Variants in SYT9 observed in about 807,000 individuals in gnomAD.
The protein encoded by SYT9 is synaptotagmin-9.
Under a neutral mutation model 48.4 loss-of-function variants are expected in SYT9, and 22 were observed. The observed-to-expected ratio is 0.45, with a 90% CI of 0.32 to 0.65. SYT9 has a LOEUF of 0.65. SYT9 is among the 30% of genes least tolerant of loss of function. The pLI is 0.03. For missense variants in SYT9, 577 were observed against 622.0 expected (o/e 0.93, Z 0.77); for synonymous variants, 265 against 245.0 (o/e 1.08, Z -0.76).
chr11:7,251,197 A>G (rs1202314596), upstream of SYT9, among the ~76,000 whole-genome samples: 1 of 151,970 alleles, frequency 6.6e-6, no homozygotes, highest in Non-Finnish European at 1.5e-5. Context: ...TGGGTGGATG[A>G]GAGGTGCCCT....
chr11:7,289,448 A>G (rs1463590899), intron 1 of SYT9, among the ~76,000 whole-genome samples: 1 of 152,240 alleles, frequency 6.6e-6, no homozygotes. Context: ...ACTGAACTAT[A>G]CTTTAAAATG....
At chr11:7,338,665 A>AT (rs112761438) in intron 3 of SYT9, among the ~76,000 whole-genome samples, 4,288 of 152,024 alleles carry the variant, frequency 0.028, 192 homozygotes, top group African/African-American at 0.096. Flanking sequence ...GTTTTGGGTG[A>AT]TTTTTTGTCT....
At chr11:7,452,325 G>C (rs2134149767) in intron 6 of SYT9, among the ~76,000 whole-genome samples, 1 of 152,258 alleles carries the variant, frequency 6.6e-6, no homozygotes, top group East Asian at 1.9e-4. Flanking sequence ...TCTCACTCCT[G>C]ATTCTGTTCC....
At chr11:7,433,322 A>G (rs918417539) in intron 6 of SYT9, among the ~76,000 whole-genome samples, 4 of 152,216 alleles carry the variant, frequency 2.6e-5, no homozygotes, top group Non-Finnish European at 5.9e-5. Context: ...CTTTATACCA[A>G]TGCAAGAATG....
intron 3 of SYT9, among the ~76,000 whole-genome samples, chr11:7,315,404 G>A (rs192350916): frequency 6.6e-6 from 1 of 152,162 alleles, no homozygotes; most frequent in Non-Finnish European, 1.5e-5. Flanking sequence ...CCCCCACTGG[G>A]GTATTTACTA....
intron 6 of SYT9, among the ~76,000 whole-genome samples, chr11:7,431,506 G>C (rs1441990203): frequency 6.6e-6 from 1 of 152,252 alleles, no homozygotes; most frequent in Non-Finnish European, 1.5e-5. Context: ...CCACTTGCTA[G>C]AGATATTGGC....
At chr11:7,415,385 C>T (rs892575311) in intron 3 of SYT9, among the ~76,000 whole-genome samples, 3 of 152,078 alleles carry the variant, frequency 2.0e-5, no homozygotes, top group East Asian at 1.9e-4. Context: ...CTGCACAGAT[C>T]GTATGCAGCC....
chr11:7,411,215 C>T (rs2346833), intron 3 of SYT9, among the ~76,000 whole-genome samples: 34,018 of 152,062 alleles, frequency 0.22, 4,273 homozygotes, highest in East Asian at 0.48. Context: ...GTTTTCTGAT[C>T]GTTTTGTATG....
chr11:7,355,186 G>A (rs1041049166), intron 3 of SYT9, among the ~76,000 whole-genome samples: 6 of 152,124 alleles, frequency 3.9e-5, no homozygotes, highest in Non-Finnish European at 7.4e-5. Context: ...TCCTGCTATC[G>A]GACTCCTAGA....
At chr11:7,429,307 G>C (rs939593662) in intron 6 of SYT9, among the ~76,000 whole-genome samples, 3 of 152,162 alleles carry the variant, frequency 2.0e-5, no homozygotes, top group African/African-American at 7.2e-5. Flanking sequence ...AAAACATTTG[G>C]TGTGAATGTT....
intron 1 of SYT9, among the ~76,000 whole-genome samples, chr11:7,276,892 GA>G (rs557050903): frequency 3.8e-3 from 537 of 140,988 alleles, no homozygotes; most frequent in African/African-American, 7.6e-3. Context: ...CTAAAAATAC[GA>G]AAAAAAAAAA....
At position 7,328,078 on chromosome 11, in the gene SYT9, ATAATAAT is replaced by A. The variant is rs1251769580; in HGVS notation, c.1044+14138_1044+14144del. Among the ~76,000 whole-genome samples, 477 of 136,128 alleles carry A rather than the reference ATAATAAT, an allele frequency of 3.5e-3. 1 individual carries two copies. The highest frequency in any genetic ancestry group is 0.012 in the African/African-American group (456 of 37,686). 89.3% of individuals were successfully genotyped at this position (136,128 alleles called of 152,430 possible). ...CCTAAAACTTAAAGTATAATTAAAA[ATAATAAT>A]AATAATAATAATAATTTTAAAAAAA... On this transcript the variant is annotated intron_variant, in intron 3 of 6. Transcript: ENST00000318881.
At chr11:7,302,048 G>A (rs1372579148) in intron 1 of SYT9, among the ~76,000 whole-genome samples, 2 of 152,178 alleles carry the variant, frequency 1.3e-5, no homozygotes, top group Admixed American at 6.5e-5. Context: ...ACTTCATTGT[G>A]TGCCTGTTGA....
At chr11:7,328,936 A>G (rs1849482661) in intron 3 of SYT9, among the ~76,000 whole-genome samples, 1 of 152,218 alleles carries the variant, frequency 6.6e-6, no homozygotes, top group South Asian at 2.1e-4. Context: ...GTTTTGAGAA[A>G]TCAACCGCTC....
At position 7,466,845 on chromosome 11, in the gene SYT9, C is replaced by T. The variant is rs1328591415; in HGVS notation, c.*45C>T. Reference sequence around the variant, plus strand: ...TTGTGCCAAGGACAAAATAGGACAACCATCTCACAAAGATCTTAAGTAACT... The same window carrying T: ...TTGTGCCAAGGACAAAATAGGACAATCATCTCACAAAGATCTTAAGTAACT... On this transcript the variant is annotated 3_prime_UTR_variant, in exon 7 of 7. Coordinates refer to ENST00000318881, the MANE Select transcript of SYT9 (RefSeq NM_175733.4). The T allele has an allele frequency of 2.5e-6, 4 of 1,605,980 alleles. No individual in the cohort carries two copies. The Admixed American group carries it at 5.1e-5, about 20-fold the overall frequency.
intron 4 of SYT9, 49 bp from the exon 5 acceptor site, chr11:7,417,908 A>C (rs773948058): frequency 6.3e-7 from 1 of 1,578,726 alleles, no homozygotes; most frequent in South Asian, 1.2e-5. Context: ...CTGCCCACCT[A>C]AATCTATACG....
intron 3 of SYT9, among the ~76,000 whole-genome samples, chr11:7,392,859 G>A (rs927315045): frequency 2.6e-5 from 4 of 151,968 alleles, no homozygotes; most frequent in Admixed American, 6.6e-5. Context: ...GTGTGTGTGT[G>A]TATTACAAAT....
At chr11:7,386,160 T>A (rs1850653866) in intron 3 of SYT9, among the ~76,000 whole-genome samples, 1 of 151,998 alleles carries the variant, frequency 6.6e-6, no homozygotes, top group Non-Finnish European at 1.5e-5. Context: ...TTTAACCTGT[T>A]TTTTTTCTGG....
chr11:7,410,488 C>G (rs910801266), intron 3 of SYT9, among the ~76,000 whole-genome samples: 7 of 152,068 alleles, frequency 4.6e-5, no homozygotes, highest in Non-Finnish European at 8.8e-5. Context: ...CTCTTTAGCT[C>G]TAGTTATATT....
Sources: gnomAD v4.1 joint callset for allele counts (sites outside exome capture counted in the v4.1 genomes callset) on GRCh38, gnomAD v4.1.1 for gene constraint, MANE v1.5 for transcripts, NCBI Gene and HGNC (gene_info 2026-07-23, HGNC 2026-07-21) for gene names.